The following SEC16A variants were observed in gnomAD, a reference collection of about 807,000 sequenced individuals.
SEC16A encodes the protein SEC16 homolog A, endoplasmic reticulum export factor.
SEC16A carries 110 observed loss-of-function variants against 221.9 expected under a neutral mutation model. That is an observed-to-expected ratio of 0.50 (90% confidence interval 0.42 to 0.58). The LOEUF is 0.58. Ranked by LOEUF, SEC16A falls within the 20% of genes least tolerant of loss-of-function variation. SEC16A has a pLI of 0.00. For missense variants in SEC16A, 3,165 were observed against 3,097.8 expected, an observed-to-expected ratio of 1.02 and a Z score of -0.52; for synonymous variants, 1,393 against 1,257.7, an observed-to-expected ratio of 1.11 and a Z score of -2.28.
Position 136,447,375 on chromosome 9 carries a change from G to A in SEC16A, c.6560-11C>T, listed in dbSNP as rs558057898. 6.3e-7 allele frequency: 1 copy of A among 1,597,818 alleles called. No homozygotes were observed. Among genetic ancestry groups the A allele is most frequent in the East Asian group, 2.3e-5 (1 of 44,200 alleles). On this transcript the variant is annotated splice_polypyrimidine_tract_variant and intron_variant, in intron 26 of 31. Coordinates refer to ENST00000684901, the MANE Select transcript of SEC16A (RefSeq NM_014866.2). The surrounding 1 kb of genome is among the most constrained non-coding windows in gnomAD (Gnocchi z 5.5). ...GAGCTCTGGTTCCTGCTGCAAAGGG[G>A]AGGGAAGCAAATTGAGGTGAACGCG... is the stretch of plus-strand genomic sequence containing the variant.
At chr9:136,473,765 A>G (rs1001324061) in intron 3 of SEC16A, among the ~76,000 whole-genome samples, 5 of 152,354 alleles carry the variant, frequency 3.3e-5, no homozygotes, top group African/African-American at 1.2e-4. Flanking sequence ...TTTTTGTCAC[A>G]TAAGCTGGGG....
At position 136,476,138 on chromosome 9, in the gene SEC16A, G is replaced by C; in HGVS notation, c.1478C>G (p.Pro493Arg). The change falls in exon 3 of 32, where the codon CCT becomes CGT. Residue 493 changes from proline (P) to arginine (R), a missense_variant. By Grantham distance (103) the Pro-to-Arg change is moderately radical. Transcript: ENST00000684901. ...ACCATGCCTGGGCACAGCTGGCCCA[G>C]GAAGGGGCCCATATCTGAACTGGTC... The part of the protein sequence containing the change: ...PSDQFRYGPL[P>R]GPAVPRHGAV... 2 of 1,613,844 alleles carry C rather than the reference G, an allele frequency of 1.2e-6. No individual in the cohort carries two copies. The highest frequency in any genetic ancestry group is 1.7e-6 in the Non-Finnish European group (2 of 1,179,868).
At chr9:136,470,759 TC>T (rs1840744664) in intron 4 of SEC16A, among the ~76,000 whole-genome samples, 1 of 152,194 alleles carries the variant, frequency 6.6e-6, no homozygotes, top group Non-Finnish European at 1.5e-5. Flanking sequence ...CCTAAAAACC[TC>T]TAATAAGCAC....
Position 136,468,472 on chromosome 9 carries a change from A to G in SEC16A, c.3745T>C (p.Trp1249Arg). The G allele has an allele frequency of 6.2e-7, 1 of 1,613,568 alleles. No individual in the cohort carries two copies. Among genetic ancestry groups the G allele is most frequent in the Non-Finnish European group, 8.5e-7 (1 of 1,179,500 alleles). The change falls in exon 5 of 32, where the codon TGG (tryptophan) becomes CGG (arginine). Residue 1249 changes from tryptophan (W) to arginine (R), a missense_variant. Around this residue, in one of 3 missense-constraint regions of SEC16A, gnomAD observed 2,030 missense variants for 1,923.1 expected, o/e 1.06. Coordinates refer to ENST00000684901, the MANE Select transcript of SEC16A (RefSeq NM_014866.2). ...PEGYYSSKSG[W>R]SSQSDYYASY... ...GCATAGTAATCGCTCTGACTGCTCC[A>G]TCCACTTTTGGAACTATAGTATCCT...
chr9:136,457,571 A>G lies in SEC16A; in HGVS notation c.5423T>C (p.Ile1808Thr). 3 of 1,610,526 alleles carry G rather than the reference A, an allele frequency of 1.9e-6. No individual in the cohort carries two copies. Among genetic ancestry groups the G allele is most frequent in the Non-Finnish European group, 2.5e-6 (3 of 1,178,082 alleles). Residue 1808 changes from isoleucine to threonine, a missense_variant, in exon 18 of 32, where the codon ATC becomes ACC. Physicochemically the swap from Ile to Thr is moderately conservative, Grantham distance 89. This residue lies in a region of SEC16A where 1,088 missense variants were observed against 1,089.6 expected (regional missense o/e 1.00). Coordinates refer to ENST00000684901, the MANE Select transcript of SEC16A (RefSeq NM_014866.2). ...PLPSFQVFKF[I>T]YSCRLAEMGL... is the part of the protein sequence containing the mutation. ...CATTTCCGCCAGGCGGCAGGAGTAGATGAACTTAAACACCTGAAACGACAG... is the reference window on the plus strand; with the variant it reads ...CATTTCCGCCAGGCGGCAGGAGTAGGTGAACTTAAACACCTGAAACGACAG...
chr9:136,455,896 G>A, intron 19 of SEC16A, 103 bp from the exon 20 acceptor site: 1 of 1,291,154 alleles, frequency 7.7e-7, no homozygotes, highest in East Asian at 2.5e-5. Context: ...TTCAGGACAG[G>A]AGGCACTCAA....
At chr9:136,451,134 C>T in intron 23 of SEC16A, 122 bp downstream of exon 23, 4 of 1,017,818 alleles carry the variant, frequency 3.9e-6, no homozygotes, top group Admixed American at 2.3e-5. Context: ...TGTAGACACT[C>T]GGCTGTTTGT....
chr9:136,467,430 C>T (rs1417951048), intron 5 of SEC16A, among the ~76,000 whole-genome samples: 1 of 152,178 alleles, frequency 6.6e-6, no homozygotes, highest in Non-Finnish European at 1.5e-5. Flanking sequence ...TTCTTGAACT[C>T]CTGGGCTCAA....
chr9:136,462,737 T>G (rs1251028510), intron 12 of SEC16A, 150 bp downstream of exon 12: 5 of 830,860 alleles, frequency 6.0e-6, no homozygotes, highest in Non-Finnish European at 7.3e-6. Context: ...AGTCAGGCAT[T>G]GTTCAGGAAA....
intron 1 of SEC16A, among the ~76,000 whole-genome samples, chr9:136,481,195 C>T (rs1589032161): frequency 1.6e-5 from 2 of 126,932 alleles, no homozygotes; most frequent in East Asian, 2.4e-4. Flanking sequence ...AGTGCAGTGG[C>T]GCGATCTCGG....
In SEC16A at chr9:136,455,631, A is replaced by T; in HGVS notation, c.5827T>A (p.Ser1943Thr). The T allele has an allele frequency of 6.3e-7, 1 of 1,584,704 alleles. No individual in the cohort carries two copies. The highest frequency in any genetic ancestry group is 8.6e-7 in the Non-Finnish European group (1 of 1,167,022). The change falls in exon 20 of 32, where the codon TCG becomes ACG. Residue 1943 changes from serine (S) to threonine (T), a missense_variant. Transcript: ENST00000684901. ...LAVPAPSPEH[S>T]SPSVRLLPSA... ...GGCAGCAGCCGCACGCTCGGGCTCG[A>T]GTGCTCAGGGCTCGGTGCAGGCACC...
rs1221307676 is a variant in SEC16A at position 136,455,685 on chromosome 9, C to T, written c.5773G>A (p.Ala1925Thr). 5 of 1,593,972 alleles carry T rather than the reference C, an allele frequency of 3.1e-6. No individual in the cohort carries two copies. In the East Asian group the frequency reaches 9.1e-5, roughly 29 times the overall value. The change falls in exon 20 of 32, where the codon GCC becomes ACC. Residue 1925 changes from alanine to threonine, a missense_variant. By Grantham distance (58) the Ala-to-Thr change is moderately conservative (BLOSUM62 0). Coordinates refer to ENST00000684901, the MANE Select transcript of SEC16A (RefSeq NM_014866.2). ...AGCAGAGGGTTGGCGATCCCCAGGG[C>T]TCCTGGCTGACTGAGTCCTGGCCTG... ...LDRPGLSQPG[A>T]LGIANPLLAV...
Position 136,476,982 on chromosome 9 carries a change from G to T in SEC16A, c.634C>A (p.Pro212Thr). The change falls in exon 3 of 32, where the codon CCA becomes ACA. Residue 212 changes from proline to threonine, a missense_variant. Coordinates refer to ENST00000684901, the MANE Select transcript of SEC16A (RefSeq NM_014866.2). ...CCCTGCACTGGCCCCCACTGTCCTG[G>T]CATCTGCAGACCAGGCTGAGGGAGG... The part of the protein sequence containing the change: ...PSLPQPGLQM[P>T]GQWGPVQGGP... 1 of 1,613,240 alleles carries T rather than the reference G, an allele frequency of 6.2e-7. No individual in the cohort carries two copies. Among genetic ancestry groups the T allele is most frequent in the Non-Finnish European group, 8.5e-7 (1 of 1,179,840 alleles).
chr9:136,464,506 A>C lies in SEC16A; in HGVS notation c.4360T>G (p.Phe1454Val). 1 of 1,612,300 alleles carries C rather than the reference A, an allele frequency of 6.2e-7. No individual in the cohort carries two copies. Among genetic ancestry groups the C allele is most frequent in the Non-Finnish European group, 8.5e-7 (1 of 1,178,488 alleles). Residue 1454 changes from phenylalanine (F) to valine (V), a missense_variant, in exon 9 of 32, where the codon TTT (phenylalanine) becomes GTT (valine). Phe to Val is a conservative substitution (Grantham distance 50). This residue lies in a region of SEC16A where 2,030 missense variants were observed against 1,923.1 expected (regional missense o/e 1.06). Transcript: ENST00000684901. ...KFSVPHVCAR[F>V]GPGGQLIKVI... ...TTGATAAGCTGACCGCCAGGGCCAA[A>C]CCTGGCACAGACATGAGGCACTGAA...
rs1425304352 is a variant in SEC16A, at chr9:136,440,290, G to C, written c.*1465C>G. 1 of 152,376 alleles carries C rather than the reference G, an allele frequency of 6.6e-6. No homozygotes were observed. Among genetic ancestry groups the C allele is most frequent in the Non-Finnish European group, 1.5e-5 (1 of 68,056 alleles). 9.4% of individuals were successfully genotyped at this position (152,376 alleles called of 1,614,324 possible). A position where few individuals can be genotyped will look rare whatever the true frequency, so the allele number is the denominator to read the frequency against. On this transcript the variant is annotated 3_prime_UTR_variant, in exon 32 of 32. Transcript: ENST00000684901. The stretch of plus-strand genomic sequence containing the variant: ...ACACGAGCTGACCGAGGGACAGAGA[G>C]GGCTGCCCCGTCACAGGGACTGGCC...
At chr9:136,442,752 G>A (rs751401984) in intron 31 of SEC16A, among the ~76,000 whole-genome samples, 4 of 152,216 alleles carry the variant, frequency 2.6e-5, no homozygotes, top group Admixed American at 6.5e-5. Flanking sequence ...GCAACCACAG[G>A]CAGCAGGAAA....
In SEC16A at chr9:136,440,245, C is replaced by T. The variant is rs962449195; in HGVS notation, c.*1510G>A. ...CCCCAGAACAGCGGGCAGAGCCGAC[C>T]GGAAGAGGTCCCAGGATTCACACGA... is the stretch of plus-strand genomic sequence containing the variant. On this transcript the variant is annotated 3_prime_UTR_variant, in exon 32 of 32. Coordinates refer to ENST00000684901, the MANE Select transcript of SEC16A (RefSeq NM_014866.2). The T allele has an allele frequency of 1.3e-5, 2 of 152,354 alleles. No homozygotes were observed. The highest frequency in any genetic ancestry group is 2.4e-5 in the African/African-American group (1 of 41,466). 9.4% of individuals were successfully genotyped at this position (152,354 alleles called of 1,614,324 possible). A position where few individuals can be genotyped will look rare whatever the true frequency, so the allele number is the denominator to read the frequency against.
At chr9:136,449,535 G>A (rs1242667138) in intron 23 of SEC16A, among the ~76,000 whole-genome samples, 2 of 152,128 alleles carry the variant, frequency 1.3e-5, no homozygotes, top group African/African-American at 2.4e-5. Context: ...GGCGTGAGCC[G>A]CCGCACCCTG....
chr9:136,446,933 C>T lies in SEC16A; in HGVS notation c.6714G>A (p.Gln2238=). 1 of 1,613,778 alleles carries T rather than the reference C, an allele frequency of 6.2e-7. No homozygotes were observed. Among genetic ancestry groups the T allele is most frequent in the South Asian group, 1.1e-5 (1 of 91,084 alleles). Residue 2238 remains glutamine (Q), a synonymous_variant, in exon 28 of 32, where the codon CAG becomes CAA. Transcript: ENST00000684901. The part of the protein sequence containing the change: ...FVPTPDAEEP[Q]LPDGTGREGP... ...CTTCCCTGCCAGTCCCGTCTGGAAGCTGTGGTTCTTCTGCATCTGGGGATG... is the reference window on the plus strand; with the variant it reads ...CTTCCCTGCCAGTCCCGTCTGGAAGTTGTGGTTCTTCTGCATCTGGGGATG...
Sources: gnomAD v4.1 joint callset for allele counts (sites outside exome capture counted in the v4.1 genomes callset) on GRCh38, gnomAD v4.1.1 for gene constraint, gnomAD v4.1.1 regional missense constraint, Gnocchi (gnomAD v3.1) non-coding constraint, MANE v1.5 for transcripts, NCBI Gene and HGNC (gene_info 2026-07-23, HGNC 2026-07-21) for gene names.